The following RSPH14 variants were observed in gnomAD, a reference collection of about 807,000 sequenced individuals.
The protein encoded by RSPH14 is rhabdoid tumor deletion region gene 1.
RSPH14 carries 20 observed loss-of-function variants against 26.7 expected under a neutral mutation model. That is an observed-to-expected ratio of 0.75 (90% confidence interval 0.53 to 1.09). The LOEUF is 1.09. Ranked by LOEUF, RSPH14 falls within the 50% of genes least tolerant of loss-of-function variation. The probability of loss-of-function intolerance (pLI) is 0.00; values close to 1 mark genes in which losing one functional copy is unlikely to be tolerated. For synonymous variants in RSPH14, 177 were observed against 189.3 expected, an observed-to-expected ratio of 0.93 and a Z score of 0.53; for missense variants, 449 against 457.2, an observed-to-expected ratio of 0.98 and a Z score of 0.16.
At chr22:23,064,945 C>A (rs2068173809) in intron 4 of RSPH14, among the ~76,000 whole-genome samples, 2 of 152,154 alleles carry the variant, frequency 1.3e-5, no homozygotes, top group African/African-American at 4.8e-5. Flanking sequence ...CAGAACAGCC[C>A]TCCTGAGTCA....
At chr22:23,097,725 T>A (rs1053555557) in intron 4 of RSPH14, among the ~76,000 whole-genome samples, 1 of 152,132 alleles carries the variant, frequency 6.6e-6, no homozygotes, top group Non-Finnish European at 1.5e-5. Flanking sequence ...AGCAGATGAG[T>A]GAGGTCAGGC....
chr22:23,178,053 G>A, the RSPH14 span, among the ~76,000 whole-genome samples: 3 of 152,042 alleles, frequency 2.0e-5, no homozygotes, highest in Middle Eastern at 3.4e-3. Flanking sequence ...CTCCTGCCTC[G>A]GCCTCCCAAA....
chr22:23,161,444 C>T, the RSPH14 span: 1 of 1,448,172 alleles, frequency 6.9e-7, no homozygotes, highest in Non-Finnish European at 9.6e-7. Context: ...ATCCCCTGCC[C>T]AGTGTCAGCT....
chr22:23,087,020 G>A (rs1009618308), intron 4 of RSPH14, among the ~76,000 whole-genome samples: 1 of 152,218 alleles, frequency 6.6e-6, no homozygotes, highest in Non-Finnish European at 1.5e-5. Flanking sequence ...AAGGGCAGTG[G>A]AAAGTGCTTC....
At chr22:23,093,873 C>A (rs2069053066) in intron 4 of RSPH14, among the ~76,000 whole-genome samples, 1 of 152,156 alleles carries the variant, frequency 6.6e-6, no homozygotes, top group African/African-American at 2.4e-5. Flanking sequence ...CAGGAGAGAC[C>A]AGAACCTCTG....
the RSPH14 span, chr22:23,163,036 C>T: frequency 3.5e-6 from 1 of 287,258 alleles, no homozygotes; most frequent in South Asian, 3.3e-5. Context: ...CTCAGCCTCC[C>T]AAGTAGCTGG....
At chr22:23,118,235 C>T (rs1299386846) in intron 4 of RSPH14, among the ~76,000 whole-genome samples, 1 of 152,240 alleles carries the variant, frequency 6.6e-6, no homozygotes, top group Non-Finnish European at 1.5e-5. Flanking sequence ...GGCCTGGTTA[C>T]AAATCACCTC....
upstream of RSPH14, among the ~76,000 whole-genome samples, chr22:23,142,253 G>C (rs181303166): frequency 1.3e-5 from 2 of 152,354 alleles, no homozygotes; most frequent in Admixed American, 1.3e-4. Context: ...CTGATCCTCA[G>C]AGTAAATTCA....
chr22:23,146,041 A>T, upstream of RSPH14: 1 of 983,004 alleles, frequency 1.0e-6, no homozygotes, highest in Non-Finnish European at 1.2e-6. Context: ...GTAAGCTCAG[A>T]GGGGAGCTCC....
intron 4 of RSPH14, among the ~76,000 whole-genome samples, chr22:23,108,302 T>C (rs763606141): frequency 9.2e-5 from 14 of 152,170 alleles, no homozygotes; most frequent in Admixed American, 3.3e-4. Flanking sequence ...CCATGGGCAA[T>C]GAGAACAGGG....
At chr22:23,140,496 A>AT in intron 1 of RSPH14, 24 bp from the exon 2 acceptor site, 1 of 1,536,376 alleles carries the variant, frequency 6.5e-7, no homozygotes, top group South Asian at 1.2e-5. Flanking sequence ...AAAAGCTGTC[A>AT]TTATTTCTAT....
intron 4 of RSPH14, chr22:23,070,697 C>G (rs561369849): frequency 6.6e-6 from 1 of 152,216 alleles, no homozygotes; most frequent in East Asian, 1.9e-4. Flanking sequence ...TCCGCCAGGA[C>G]GCAGCGTCAG....
At chr22:23,076,773 T>G (rs1283080443) in intron 4 of RSPH14, among the ~76,000 whole-genome samples, 1 of 152,132 alleles carries the variant, frequency 6.6e-6, no homozygotes, top group Non-Finnish European at 1.5e-5. Flanking sequence ...TAAAGGAACA[T>G]GATGATGGTA....
chr22:23,070,311 C>T (rs1177152086), intron 4 of RSPH14: 8 of 145,392 alleles, frequency 5.5e-5, no homozygotes, highest in African/African-American at 1.7e-4. Flanking sequence ...GCTCCGCCCC[C>T]TGCCGGCGGC....
the RSPH14 span, among the ~76,000 whole-genome samples, chr22:23,167,145 C>T: frequency 6.6e-6 from 1 of 152,122 alleles, no homozygotes; most frequent in Non-Finnish European, 1.5e-5. Context: ...AGTCTAATCC[C>T]AGTGGGAATC....
At chr22:23,098,503 G>T (rs1207647966) in intron 4 of RSPH14, among the ~76,000 whole-genome samples, 1 of 152,230 alleles carries the variant, frequency 6.6e-6, no homozygotes, top group East Asian at 1.9e-4. Context: ...GCAGCCACTG[G>T]CCTGGTCTCA....
At chr22:23,170,269 T>C in the RSPH14 span, among the ~76,000 whole-genome samples, 2 of 152,284 alleles carry the variant, frequency 1.3e-5, no homozygotes, top group Non-Finnish European at 2.9e-5. Flanking sequence ...TGCCATAGTC[T>C]AGGTGGTTTT....
Position 23,138,848 on chromosome 22 carries a change from G to T in RSPH14, c.294C>A (p.Ser98Arg). The change falls in exon 3 of 7, where the codon AGC becomes AGA. Residue 98 changes from serine (S) to arginine (R), a missense_variant. Coordinates refer to ENST00000216036, the MANE Select transcript of RSPH14 (RefSeq NM_014433.3). ...TEVLHITASHSVGRYAFLEHD... is the reference protein window; with the variant it reads ...TEVLHITASHRVGRYAFLEHD... ...CCAGAACAGCATCCCACCTGCCCAC[G>T]CTATGGCTTGCCGTGATGTGGAGCA... 1 of 1,551,062 alleles carries T rather than the reference G, an allele frequency of 6.4e-7. No individual in the cohort carries two copies. Among genetic ancestry groups the T allele is most frequent in the Non-Finnish European group, 8.7e-7 (1 of 1,146,956 alleles).
intron 4 of RSPH14, chr22:23,132,925 C>T (rs377029218): frequency 3.9e-5 from 6 of 152,234 alleles, no homozygotes; most frequent in African/African-American, 1.4e-4. Flanking sequence ...GGACACCCGA[C>T]TGGCGTAGGG....
Sources: gnomAD v4.1 joint callset for allele counts (sites outside exome capture counted in the v4.1 genomes callset) on GRCh38, gnomAD v4.1.1 for gene constraint, MANE v1.5 for transcripts, NCBI Gene and HGNC (gene_info 2026-07-23, HGNC 2026-07-21) for gene names.